MYO1B: variants seen among roughly 807,000 people sequenced by gnomAD.
MYO1B encodes the protein myosin IB.
In MYO1B, 72 loss-of-function variants were observed where a neutral mutation model predicts 159.7. The observed-to-expected ratio is 0.45, with a 90% CI of 0.37 to 0.55. The LOEUF (loss-of-function observed/expected upper bound fraction) is 0.55, where lower values mean the gene tolerates loss of function less well. MYO1B is among the 20% of genes least tolerant of loss of function. MYO1B has a pLI of 0.00. For synonymous variants in MYO1B, 468 were observed against 473.8 expected (o/e 0.99, Z 0.16); for missense variants, 1,062 against 1,364.8 (o/e 0.78, Z 3.50).
rs369744925 is a variant in MYO1B at position 191,416,124 on chromosome 2, G to T, written c.3169G>T (p.Ala1057Ser). The T allele has an allele frequency of 6.2e-7, 1 of 1,614,032 alleles. No homozygotes were observed. Among genetic ancestry groups the T allele is most frequent in the East Asian group, 2.2e-5 (1 of 44,884 alleles). ...FAVHLKEGSEAASKGDFLFSS... is the reference protein window; with the variant it reads ...FAVHLKEGSESASKGDFLFSS... ...TGGTTTGTCCTTGCAGGGCTCAGAA[G>T]CAGCTAGTAAAGGAGACTTTCTCTT... Residue 1057 changes from alanine (A) to serine (S), a missense_variant, in exon 30 of 31, where the codon GCA becomes TCA. Ala to Ser is a moderately conservative substitution (Grantham distance 99). Transcript: ENST00000392318.
chr2:191,358,474 A>G (rs1483774320), intron 7 of MYO1B, among the ~76,000 whole-genome samples: 1 of 152,210 alleles, frequency 6.6e-6, no homozygotes, highest in Non-Finnish European at 1.5e-5. Flanking sequence ...GCGCAAGTGA[A>G]TATTATTCTT....
intron 5 of MYO1B, 80 bp downstream of exon 5, chr2:191,341,645 G>T (rs1019462827): frequency 9.2e-7 from 1 of 1,083,444 alleles, no homozygotes. Flanking sequence ...TACCTGGTCT[G>T]CTGGGAGGTA....
intron 8 of MYO1B, among the ~76,000 whole-genome samples, chr2:191,361,806 A>T (rs959238648): frequency 3.9e-5 from 6 of 152,154 alleles, no homozygotes; most frequent in Non-Finnish European, 8.8e-5. Context: ...TTTTTGGACT[A>T]TATTCCAACA....
At chr2:191,297,420 G>A (rs937923825) in intron 3 of MYO1B, among the ~76,000 whole-genome samples, 6 of 152,178 alleles carry the variant, frequency 3.9e-5, no homozygotes, top group Non-Finnish European at 8.8e-5. Context: ...GCTGCTGAAC[G>A]TGGGCTGGGA....
At chr2:191,414,702 T>A (rs753485631) in intron 29 of MYO1B, 33 bp downstream of exon 29, 12 of 1,578,510 alleles carry the variant, frequency 7.6e-6, no homozygotes, top group Admixed American at 1.9e-5. Context: ...CTGTGCTTAA[T>A]CTCTCAGCCA....
At chr2:191,248,329 C>T (rs1315772305) in intron 1 of MYO1B, among the ~76,000 whole-genome samples, 1 of 152,162 alleles carries the variant, frequency 6.6e-6, no homozygotes, top group Admixed American at 6.5e-5. Context: ...ACAGATGCTC[C>T]TAGATTTACA....
intron 24 of MYO1B, among the ~76,000 whole-genome samples, chr2:191,404,360 T>C (rs1383516914): frequency 1.3e-5 from 2 of 152,210 alleles, no homozygotes; most frequent in Non-Finnish European, 2.9e-5. Context: ...AGCTCAGTTA[T>C]GAGGCTCAAC....
intron 1 of MYO1B, among the ~76,000 whole-genome samples, chr2:191,274,719 A>G (rs1687646715): frequency 6.6e-6 from 1 of 151,886 alleles, no homozygotes; most frequent in Admixed American, 6.6e-5. Flanking sequence ...TCCCTGTGCA[A>G]GTCCTTCTGT....
intron 30 of MYO1B, among the ~76,000 whole-genome samples, chr2:191,420,384 C>G (rs1347556054): frequency 6.6e-6 from 1 of 152,212 alleles, no homozygotes; most frequent in Admixed American, 6.5e-5. Flanking sequence ...TCACCCAGAG[C>G]TACTTCCAGG....
At chr2:191,332,150 A>G (rs1373698094) in intron 4 of MYO1B, among the ~76,000 whole-genome samples, 1 of 152,050 alleles carries the variant, frequency 6.6e-6, no homozygotes, top group African/African-American at 2.4e-5. Flanking sequence ...TTTAGTAGAG[A>G]TGGGGTTTCA....
intron 3 of MYO1B, among the ~76,000 whole-genome samples, chr2:191,319,328 A>C (rs1401864746): frequency 1.3e-5 from 2 of 152,150 alleles, no homozygotes; most frequent in Non-Finnish European, 2.9e-5. Flanking sequence ...CATAAGCCCT[A>C]CTATGTTGAC....
intron 1 of MYO1B, among the ~76,000 whole-genome samples, chr2:191,256,765 G>A (rs940443287): frequency 2.6e-5 from 4 of 152,150 alleles, no homozygotes; most frequent in African/African-American, 9.7e-5. Context: ...TTGCTAAAAA[G>A]GGACAGGAGA....
chr2:191,317,386 C>T (rs1690421728), intron 3 of MYO1B, among the ~76,000 whole-genome samples: 1 of 152,194 alleles, frequency 6.6e-6, no homozygotes, highest in African/African-American at 2.4e-5. Context: ...CATTAGCCAG[C>T]TCTGAAGAAG....
intron 30 of MYO1B, among the ~76,000 whole-genome samples, chr2:191,419,519 A>G (rs549296502): frequency 1.2e-4 from 19 of 152,320 alleles, no homozygotes; most frequent in African/African-American, 3.8e-4. Flanking sequence ...CGCCCGGCCT[A>G]TACTGTACTT....
intron 29 of MYO1B, 23 bp from the exon 30 acceptor site, chr2:191,416,092 C>T (rs371777809): frequency 2.2e-5 from 35 of 1,604,302 alleles, no homozygotes; most frequent in Non-Finnish European, 2.5e-5. Flanking sequence ...TAATTATGAC[C>T]GACTCTTGGT....
At chr2:191,255,352 T>C (rs927149083) in intron 1 of MYO1B, among the ~76,000 whole-genome samples, 1 of 152,030 alleles carries the variant, frequency 6.6e-6, no homozygotes, top group Admixed American at 6.6e-5. Context: ...ATCGATACTG[T>C]GAAGGAAAAG....
chr2:191,262,454 A>G (rs1250775603), intron 1 of MYO1B, among the ~76,000 whole-genome samples: 1 of 152,136 alleles, frequency 6.6e-6, no homozygotes, highest in East Asian at 1.9e-4. Context: ...GCTCAAAATC[A>G]TTTTGGTGGC....
chr2:191,250,250 G>T (rs1686030197), intron 1 of MYO1B, among the ~76,000 whole-genome samples: 1 of 152,234 alleles, frequency 6.6e-6, no homozygotes, highest in Non-Finnish European at 1.5e-5. Context: ...AAGCAAGAGA[G>T]TGGAAGAAAA....
chr2:191,337,341 G>A (rs1691921178), intron 4 of MYO1B, among the ~76,000 whole-genome samples: 1 of 152,162 alleles, frequency 6.6e-6, no homozygotes. Context: ...TCACAGTACA[G>A]TGCAAGGTGT....
Sources: gnomAD v4.1 joint callset for allele counts (sites outside exome capture counted in the v4.1 genomes callset) on GRCh38, gnomAD v4.1.1 for gene constraint, MANE v1.5 for transcripts, NCBI Gene and HGNC (gene_info 2026-07-23, HGNC 2026-07-21) for gene names.